The following CARF variants were observed in gnomAD, a reference collection of about 807,000 sequenced individuals.
The protein encoded by CARF is calcium-responsive transcription factor.
CARF carries 57 observed loss-of-function variants against 82.0 expected under a neutral mutation model. That is an observed-to-expected ratio of 0.70 (90% confidence interval 0.56 to 0.87). The LOEUF (loss-of-function observed/expected upper bound fraction) is 0.87. CARF is among the 40% of genes least tolerant of loss of function. The probability of loss-of-function intolerance (pLI) is 0.00; values close to 1 mark genes in which losing one functional copy is unlikely to be tolerated. For missense variants in CARF, 771 were observed against 855.8 expected (o/e 0.90, Z 1.24); for synonymous variants, 268 against 290.1 (o/e 0.92, Z 0.77).
At chr2:202,977,914 C>G (rs775461309) in intron 14 of CARF, among the ~76,000 whole-genome samples, 1 of 152,162 alleles carries the variant, frequency 6.6e-6, no homozygotes, top group East Asian at 1.9e-4. Context: ...GGTGCGTTCT[C>G]GGCTCACTGA....
At chr2:202,942,700 T>C (rs2058287051) in intron 4 of CARF, 40 bp from the exon 5 acceptor site, 4 of 1,410,294 alleles carry the variant, frequency 2.8e-6, no homozygotes, top group South Asian at 2.7e-5. Flanking sequence ...TTAAAAAAAA[T>C]GGTGATAGAC....
At chr2:202,966,420 C>T (rs1395699858) in intron 9 of CARF, among the ~76,000 whole-genome samples, 2 of 152,070 alleles carry the variant, frequency 1.3e-5, no homozygotes, top group African/African-American at 4.8e-5. Context: ...GTATAAAAAC[C>T]ATATGTCAGG....
intron 5 of CARF, among the ~76,000 whole-genome samples, chr2:202,951,652 T>C (rs1177024669): frequency 6.6e-6 from 1 of 152,122 alleles, no homozygotes; most frequent in Non-Finnish European, 1.5e-5. Flanking sequence ...TTGATATTGC[T>C]CTAAATTTGA....
intron 14 of CARF, among the ~76,000 whole-genome samples, chr2:202,978,003 A>G (rs1490231426): frequency 6.6e-6 from 1 of 151,986 alleles, no homozygotes; most frequent in Non-Finnish European, 1.5e-5. Context: ...ACGCCACCAT[A>G]CCTGGCTAAT....
chr2:202,916,240 G>T (rs1484237958), intron 1 of CARF, among the ~76,000 whole-genome samples: 4 of 151,660 alleles, frequency 2.6e-5, no homozygotes, highest in Admixed American at 6.6e-5. Context: ...TAGTGCCGTG[G>T]CACAATCTTG....
At chr2:202,940,991 C>A (rs969230111) in intron 3 of CARF, among the ~76,000 whole-genome samples, 1 of 151,922 alleles carries the variant, frequency 6.6e-6, no homozygotes, top group Admixed American at 6.6e-5. Context: ...CATATTGACA[C>A]TAATGGGAGG....
chr2:202,986,899 T>TATATAC lies in CARF; in HGVS notation c.*3280_*3281insCATATA, dbSNP rs1553584733. The TATATAC allele has an allele frequency of 1.3e-4, 18 of 138,074 alleles. No individual in the cohort carries two copies. The highest frequency in any genetic ancestry group is 2.4e-4 in the Non-Finnish European group (15 of 63,506). 8.6% of individuals were successfully genotyped at this position (138,074 alleles called of 1,614,324 possible). A position where few individuals can be genotyped will look rare whatever the true frequency, so the allele number is the denominator to read the frequency against. On this transcript the variant is annotated 3_prime_UTR_variant, in exon 17 of 17. Transcript: ENST00000438828. ...ATATATATATATATATATATATATA[T>TATATAC]ATATATATAGCAACTTGATGTATAG... is the stretch of plus-strand genomic sequence containing the variant.
At chr2:202,976,304 A>T (rs2060025993) in intron 13 of CARF, among the ~76,000 whole-genome samples, 2 of 151,826 alleles carry the variant, frequency 1.3e-5, no homozygotes, top group South Asian at 4.2e-4. Flanking sequence ...CCTCCCAAGT[A>T]GCTGGGATTA....
chr2:202,974,558 C>T, intron 13 of CARF, 62 bp downstream of exon 13: 1 of 1,459,690 alleles, frequency 6.9e-7, no homozygotes, highest in East Asian at 2.4e-5. Context: ...AATATTTAGT[C>T]TAATAAGAAT....
intron 8 of CARF, among the ~76,000 whole-genome samples, chr2:202,956,503 A>T (rs1033604162): frequency 2.0e-5 from 3 of 152,084 alleles, no homozygotes; most frequent in African/African-American, 7.2e-5. Context: ...TACCCACCTC[A>T]GGCTCCCAAA....
chr2:202,932,226 T>C (rs1331132082), intron 3 of CARF, among the ~76,000 whole-genome samples: 1 of 151,918 alleles, frequency 6.6e-6, no homozygotes, highest in Non-Finnish European at 1.5e-5. Flanking sequence ...ACCTCCAACA[T>C]TGGGGGTTAT....
chr2:202,966,694 AGT>A (rs948654493), intron 9 of CARF, among the ~76,000 whole-genome samples: 1 of 152,028 alleles, frequency 6.6e-6, no homozygotes, highest in Non-Finnish European at 1.5e-5. Context: ...TGGGTGACAG[AGT>A]GAGACTCCGT....
intron 5 of CARF, among the ~76,000 whole-genome samples, chr2:202,949,412 T>C (rs1253544039): frequency 1.3e-5 from 2 of 151,562 alleles, no homozygotes; most frequent in Non-Finnish European, 2.9e-5. Flanking sequence ...GATCATAGCC[T>C]CCAGAGTAGC....
intron 7 of CARF, among the ~76,000 whole-genome samples, chr2:202,955,435 TG>T (rs1328105547): frequency 6.6e-6 from 1 of 152,316 alleles, no homozygotes; most frequent in African/African-American, 2.4e-5. Flanking sequence ...CACTTAAAGT[TG>T]TTGGGACTAC....
In CARF at chr2:202,974,321, G is replaced by A. The variant is rs2059936645; in HGVS notation, c.1332-13G>A. On this transcript the variant is annotated splice_polypyrimidine_tract_variant and intron_variant, in intron 12 of 16. Coordinates refer to ENST00000438828, the MANE Select transcript of CARF (RefSeq NM_024744.17). ...ATGGTTTATGTCTTTATTCCATTTT[G>A]TATTCTTTACAGAAAATTTGTGGAA... The A allele has an allele frequency of 1.3e-6, 2 of 1,564,044 alleles. No individual in the cohort carries two copies. Among genetic ancestry groups the A allele is most frequent in the Non-Finnish European group, 1.7e-6 (2 of 1,163,202 alleles).
chr2:202,959,390 G>T (rs921528389), intron 8 of CARF, among the ~76,000 whole-genome samples: 3 of 152,180 alleles, frequency 2.0e-5, no homozygotes, highest in African/African-American at 7.2e-5. Context: ...TTTGTTAAAT[G>T]TATTCTTCCT....
intron 11 of CARF, among the ~76,000 whole-genome samples, chr2:202,971,049 G>A (rs2059771130): frequency 6.6e-6 from 1 of 152,054 alleles, no homozygotes. Context: ...AGGTGTAACA[G>A]AGAAGTGTAA....
At chr2:202,949,288 C>T (rs572018695) in intron 5 of CARF, among the ~76,000 whole-genome samples, 2 of 150,184 alleles carry the variant, frequency 1.3e-5, no homozygotes, top group African/African-American at 2.4e-5. Context: ...GAGCCAAGGT[C>T]GTGCCACTGC....
intron 5 of CARF, among the ~76,000 whole-genome samples, chr2:202,944,236 CAT>C (rs2058380928): frequency 6.6e-6 from 1 of 152,126 alleles, no homozygotes; most frequent in Admixed American, 6.5e-5. Context: ...TTTTGACTGA[CAT>C]ATGGAAAATT....
Sources: allele counts gnomAD v4.1 joint callset (sites outside exome capture counted in the v4.1 genomes callset), GRCh38; gene constraint gnomAD v4.1.1; transcripts MANE v1.5; gene names NCBI Gene and HGNC (gene_info 2026-07-23, HGNC 2026-07-21).